ADAM23: variants seen among roughly 807,000 people sequenced by gnomAD.
ADAM23 encodes disintegrin and metalloproteinase domain-containing protein 23.
In ADAM23, 33 loss-of-function variants were observed where a neutral mutation model predicts 120.1. That is an observed-to-expected ratio of 0.27 (90% CI 0.21 to 0.37). ADAM23 has a LOEUF of 0.37. ADAM23 is among the 10% of genes least tolerant of loss of function. The pLI, the probability that ADAM23 is intolerant of heterozygous loss-of-function variation, is 1.00. For synonymous variants in ADAM23, 367 were observed against 375.2 expected (o/e 0.98, Z 0.25); for missense variants, 862 against 1,058.2 (o/e 0.81, Z 2.57).
chr2:206,474,193 G>A (rs572680813), intron 2 of ADAM23, among the ~76,000 whole-genome samples: 1 of 152,128 alleles, frequency 6.6e-6, no homozygotes, highest in Non-Finnish European at 1.5e-5. Context: ...CAAACTACCT[G>A]TTTAAATGCA....
At chr2:206,446,971 A>T (rs1207147) in intron 2 of ADAM23, among the ~76,000 whole-genome samples, 9 of 152,142 alleles carry the variant, frequency 5.9e-5, no homozygotes, top group Non-Finnish European at 1.3e-4. Flanking sequence ...TTAAGTGGTT[A>T]GTTCTCAAAC....
chr2:206,574,771 C>CAA (rs1415059867), intron 18 of ADAM23, among the ~76,000 whole-genome samples: 2 of 152,188 alleles, frequency 1.3e-5, no homozygotes, highest in Non-Finnish European at 2.9e-5. Context: ...TGATCTTCTT[C>CAA]CCATTAAGCT....
chr2:206,570,649 GATTATACGGCC>G, intron 15 of ADAM23, 80 bp from the exon 16 acceptor site: 1 of 941,432 alleles, frequency 1.1e-6, no homozygotes, highest in Non-Finnish European at 1.7e-6. Flanking sequence ...CATGATAGCT[GATTATACGGCC>G]ATTGTATGTG....
intron 3 of ADAM23, among the ~76,000 whole-genome samples, chr2:206,524,462 C>T (rs751049593): frequency 6.6e-6 from 1 of 152,208 alleles, no homozygotes; most frequent in African/African-American, 2.4e-5. Context: ...GGCACCTACT[C>T]AAGGCTTTCC....
chr2:206,587,028 A>G (rs1046420720), intron 18 of ADAM23, among the ~76,000 whole-genome samples: 3 of 152,144 alleles, frequency 2.0e-5, no homozygotes, highest in African/African-American at 7.2e-5. Flanking sequence ...TTCATTGTCC[A>G]TTTTAATCTC....
chr2:206,450,609 G>A (rs562739838), intron 2 of ADAM23, among the ~76,000 whole-genome samples: 39 of 152,268 alleles, frequency 2.6e-4, no homozygotes, highest in African/African-American at 8.7e-4. Flanking sequence ...TTTTAGCACT[G>A]CATAAGTCAC....
Position 206,444,005 on chromosome 2 carries a change from C to G in ADAM23, c.139C>G (p.Leu47Val). ...GGCCCGCACGCCGCCCTGCCGCCTGCTTCTCGTCCTTCTCCTGCTGCCTCC... is the reference window on the plus strand; with the variant it reads ...GGCCCGCACGCCGCCCTGCCGCCTGGTTCTCGTCCTTCTCCTGCTGCCTCC... ...APARTPPCRLLLVLLLLPPLA... is the reference protein window; with the variant it reads ...APARTPPCRLVLVLLLLPPLA... Residue 47 changes from leucine to valine, a missense_variant, in exon 1 of 26, where the codon CTT becomes GTT. By Grantham distance (32) the Leu-to-Val change is conservative. Around this residue, in one of 4 missense-constraint regions of ADAM23, gnomAD observed 225 missense variants for 204.0 expected, o/e 1.10. Coordinates refer to ENST00000264377, the MANE Select transcript of ADAM23 (RefSeq NM_003812.4). The G allele has an allele frequency of 7.1e-7, 1 of 1,407,932 alleles. No homozygotes were observed. The highest frequency in any genetic ancestry group is 9.3e-7 in the Non-Finnish European group (1 of 1,077,200). 87.2% of individuals were successfully genotyped at this position (1,407,932 alleles called of 1,614,324 possible). A position where few individuals can be genotyped will look rare whatever the true frequency, so the allele number is the denominator to read the frequency against.
At chr2:206,522,873 A>G (rs1696871960) in intron 3 of ADAM23, among the ~76,000 whole-genome samples, 1 of 151,844 alleles carries the variant, frequency 6.6e-6, no homozygotes, top group Non-Finnish European at 1.5e-5. Context: ...TGATTCTGTC[A>G]TAAAGGAATC....
At chr2:206,497,355 A>G (rs1696275844) in intron 3 of ADAM23, among the ~76,000 whole-genome samples, 1 of 152,208 alleles carries the variant, frequency 6.6e-6, no homozygotes, top group East Asian at 1.9e-4. Context: ...AACATACGAA[A>G]ATCAATAAAT....
chr2:206,466,536 T>C (rs1024401118), intron 2 of ADAM23, among the ~76,000 whole-genome samples: 3 of 152,238 alleles, frequency 2.0e-5, no homozygotes, highest in Non-Finnish European at 4.4e-5. Flanking sequence ...TATACCCTCC[T>C]TTATTCATTT....
intron 3 of ADAM23, among the ~76,000 whole-genome samples, chr2:206,515,883 T>C (rs1252398101): frequency 6.6e-6 from 1 of 152,106 alleles, no homozygotes; most frequent in Non-Finnish European, 1.5e-5. Context: ...CCAGAGGCTT[T>C]TTCCTGGGTC....
chr2:206,505,118 T>G (rs968059182), intron 3 of ADAM23, among the ~76,000 whole-genome samples: 3 of 152,158 alleles, frequency 2.0e-5, no homozygotes, highest in African/African-American at 7.2e-5. Context: ...AGCTATAGAA[T>G]TTTCCAGGAG....
intron 2 of ADAM23, among the ~76,000 whole-genome samples, chr2:206,462,100 C>T (rs1452090640): frequency 4.6e-5 from 7 of 152,102 alleles, no homozygotes; most frequent in Non-Finnish European, 8.8e-5. Flanking sequence ...AACAGACAGT[C>T]TCTGGTCTGG....
chr2:206,459,546 T>C (rs2105857877), intron 2 of ADAM23, among the ~76,000 whole-genome samples: 1 of 152,370 alleles, frequency 6.6e-6, no homozygotes, highest in South Asian at 2.1e-4. Flanking sequence ...TTTATTAACT[T>C]ACTTGTATGA....
At chr2:206,476,517 C>T (rs1347461709) in intron 2 of ADAM23, among the ~76,000 whole-genome samples, 2 of 152,058 alleles carry the variant, frequency 1.3e-5, no homozygotes, top group East Asian at 1.9e-4. Context: ...GGAGCATGAC[C>T]CCTATTGTGA....
At chr2:206,527,235 G>T (rs537462480) in intron 3 of ADAM23, among the ~76,000 whole-genome samples, 4 of 152,204 alleles carry the variant, frequency 2.6e-5, no homozygotes, top group Non-Finnish European at 4.4e-5. Flanking sequence ...ATTTGGGTCC[G>T]CAATTGCTAA....
At chr2:206,540,665 T>TG (rs905005960) in intron 4 of ADAM23, among the ~76,000 whole-genome samples, 1 of 151,972 alleles carries the variant, frequency 6.6e-6, no homozygotes, top group African/African-American at 2.4e-5. Flanking sequence ...TAAGTTCGTA[T>TG]GGGGGGAAAC....
At chr2:206,576,219 T>C (rs1698109298) in intron 18 of ADAM23, among the ~76,000 whole-genome samples, 1 of 152,194 alleles carries the variant, frequency 6.6e-6, no homozygotes, top group African/African-American at 2.4e-5. Context: ...TTCAGAGTTA[T>C]ATTTTTAGCT....
chr2:206,591,183 G>A (rs1257471093), intron 21 of ADAM23, among the ~76,000 whole-genome samples: 2 of 151,762 alleles, frequency 1.3e-5, no homozygotes, highest in East Asian at 3.9e-4. Context: ...TTTTTAAGTT[G>A]TGAAATGTAT....
Sources: allele counts gnomAD v4.1 joint callset (sites outside exome capture counted in the v4.1 genomes callset), GRCh38; gene constraint gnomAD v4.1.1; regional missense constraint gnomAD v4.1.1; transcripts MANE v1.5; gene names NCBI Gene and HGNC (gene_info 2026-07-23, HGNC 2026-07-21).